The following GPC5 variants were observed in gnomAD, a reference collection of about 807,000 sequenced individuals.
GPC5 encodes glypican-5.
GPC5 carries 47 observed loss-of-function variants against 53.9 expected under a neutral mutation model. The ratio of observed to expected loss-of-function variants is 0.87; its 90% CI spans 0.69 to 1.11. GPC5 has a LOEUF of 1.11. GPC5 is among the 50% of genes most tolerant of loss of function. GPC5 has a pLI of 0.00. For synonymous variants in GPC5, 286 were observed against 263.3 expected (o/e 1.09, Z -0.84); for missense variants, 748 against 713.1 (o/e 1.05, Z -0.56).
chr13:92,809,281 C>T (rs1282080366), intron 7 of GPC5, among the ~76,000 whole-genome samples: 1 of 152,216 alleles, frequency 6.6e-6, no homozygotes, highest in East Asian at 1.9e-4. Flanking sequence ...ACTTTTCCAT[C>T]ATTCAATATA....
At chr13:92,347,102 G>C (rs76404002) in intron 7 of GPC5, among the ~76,000 whole-genome samples, 4,849 of 152,132 alleles carry the variant, frequency 0.032, 160 homozygotes, top group African/African-American at 0.087. Flanking sequence ...TGAATAAAGA[G>C]AACAAGGTCC....
chr13:92,198,617 C>T (rs1329541728), intron 7 of GPC5, among the ~76,000 whole-genome samples: 2 of 152,112 alleles, frequency 1.3e-5, no homozygotes, highest in Non-Finnish European at 1.5e-5. Flanking sequence ...ACATTGCTCC[C>T]GTCAAGACTG....
chr13:91,847,356 TGTG>T (rs2038863075), intron 5 of GPC5, among the ~76,000 whole-genome samples: 1 of 140,990 alleles, frequency 7.1e-6, no homozygotes, highest in African/African-American at 2.7e-5. Flanking sequence ...TTATTATAAT[TGTG>T]TGTGTGTGTG....
At chr13:92,656,439 A>T (rs1189757727) in intron 7 of GPC5, among the ~76,000 whole-genome samples, 1 of 152,168 alleles carries the variant, frequency 6.6e-6, no homozygotes, top group Non-Finnish European at 1.5e-5. Context: ...AGTGGAAGTT[A>T]GTGGCATCAT....
At chr13:92,844,851 G>A (rs941629985) in intron 7 of GPC5, among the ~76,000 whole-genome samples, 3 of 152,092 alleles carry the variant, frequency 2.0e-5, no homozygotes, top group East Asian at 1.9e-4. Flanking sequence ...AATGTGCAAC[G>A]TATTTCCAGG....
intron 2 of GPC5, among the ~76,000 whole-genome samples, chr13:91,660,833 T>C (rs1158518661): frequency 6.6e-6 from 1 of 152,094 alleles, no homozygotes; most frequent in Non-Finnish European, 1.5e-5. Context: ...CCTCCTTCTC[T>C]ATTATTTTAT....
chr13:91,879,991 T>C (rs1291507794), intron 5 of GPC5, among the ~76,000 whole-genome samples: 1 of 152,140 alleles, frequency 6.6e-6, no homozygotes, highest in Non-Finnish European at 1.5e-5. Context: ...ATATTTGCTT[T>C]GTAAAATGAA....
intron 7 of GPC5, among the ~76,000 whole-genome samples, chr13:92,449,306 C>T (rs985289969): frequency 2.0e-5 from 3 of 152,098 alleles, no homozygotes; most frequent in African/African-American, 7.2e-5. Context: ...TCCTTTGGCC[C>T]TTGACCTCTG....
At chr13:92,208,945 A>G (rs2042356293) in intron 7 of GPC5, among the ~76,000 whole-genome samples, 1 of 152,238 alleles carries the variant, frequency 6.6e-6, no homozygotes, top group African/African-American at 2.4e-5. Context: ...CCAAATTGAT[A>G]ATATGATGGA....
intron 7 of GPC5, among the ~76,000 whole-genome samples, chr13:92,800,875 A>C (rs1411221263): frequency 6.6e-6 from 1 of 151,804 alleles, no homozygotes; most frequent in Non-Finnish European, 1.5e-5. Flanking sequence ...TATCGTTACT[A>C]TCCTTTTAAC....
chr13:91,983,001 A>G (rs960772485), intron 6 of GPC5, among the ~76,000 whole-genome samples: 7 of 151,722 alleles, frequency 4.6e-5, no homozygotes, highest in Non-Finnish European at 8.8e-5. Context: ...TTATTATCCC[A>G]TAGAAAGAGT....
At chr13:91,513,912 G>A (rs1338785413) in intron 2 of GPC5, among the ~76,000 whole-genome samples, 1 of 152,112 alleles carries the variant, frequency 6.6e-6, no homozygotes, top group Admixed American at 6.6e-5. Flanking sequence ...CATGTAGTAT[G>A]TAACTTTTTA....
intron 7 of GPC5, among the ~76,000 whole-genome samples, chr13:92,397,177 G>A (rs1875321121): frequency 1.3e-5 from 2 of 152,154 alleles, no homozygotes; most frequent in African/African-American, 4.8e-5. Context: ...TGGTTCGTTT[G>A]AGTCCCCACC....
chr13:92,588,804 T>G (rs1459577557), intron 7 of GPC5, among the ~76,000 whole-genome samples: 1 of 152,196 alleles, frequency 6.6e-6, no homozygotes, highest in East Asian at 1.9e-4. Context: ...GAGGTATTAG[T>G]TCCATACAGT....
Position 91,398,656 on chromosome 13 carries a change from C to G in GPC5, c.-391C>G, listed in dbSNP as rs1424639124. ...AGCTGCTGCGAGCCGAGCCGGGCGGCGGAGGCGGCGGCGGCGGCGGCAGTG... is the reference window on the plus strand; with the variant it reads ...AGCTGCTGCGAGCCGAGCCGGGCGGGGGAGGCGGCGGCGGCGGCGGCAGTG... On this transcript the variant is annotated 5_prime_UTR_variant, in exon 1 of 8. Transcript: ENST00000377067. 2 of 203,680 alleles carry G rather than the reference C, an allele frequency of 9.8e-6. No individual in the cohort carries two copies. Among genetic ancestry groups the G allele is most frequent in the Non-Finnish European group, 1.9e-5 (2 of 107,636 alleles). The allele number at this position is 203,680 out of a possible 1,614,324, so 12.6% of individuals were successfully genotyped here.
At chr13:92,213,870 T>C (rs1408676298) in intron 7 of GPC5, among the ~76,000 whole-genome samples, 1 of 152,228 alleles carries the variant, frequency 6.6e-6, no homozygotes, top group South Asian at 2.1e-4. Flanking sequence ...AAGAGTATTG[T>C]AAGATTCTTA....
At chr13:91,482,901 C>T (rs1003987820) in intron 2 of GPC5, among the ~76,000 whole-genome samples, 10 of 150,556 alleles carry the variant, frequency 6.6e-5, no homozygotes, top group African/African-American at 2.4e-4. Flanking sequence ...ATTGGCAGCT[C>T]TATAAATTTA....
intron 3 of GPC5, among the ~76,000 whole-genome samples, chr13:91,717,330 C>T (rs1291895533): frequency 6.6e-6 from 1 of 152,100 alleles, no homozygotes; most frequent in Non-Finnish European, 1.5e-5. Context: ...CCACCAAAGG[C>T]TTTGGTTCAG....
chr13:91,562,016 G>A (rs1345498017), intron 2 of GPC5, among the ~76,000 whole-genome samples: 1 of 151,922 alleles, frequency 6.6e-6, no homozygotes, highest in African/African-American at 2.4e-5. Context: ...TATTTACTGA[G>A]TTAACTGAAC....
Sources: gnomAD v4.1 joint callset for allele counts (sites outside exome capture counted in the v4.1 genomes callset) on GRCh38, gnomAD v4.1.1 for gene constraint, MANE v1.5 for transcripts, NCBI Gene and HGNC (gene_info 2026-07-23, HGNC 2026-07-21) for gene names.